Variants in CD109 observed in about 807,000 individuals in gnomAD.
The protein encoded by CD109 is CD109 antigen.
In CD109, 149 loss-of-function variants were observed where a neutral mutation model predicts 165.8. The observed-to-expected ratio is 0.90, with a 90% CI of 0.79 to 1.03. The LOEUF (loss-of-function observed/expected upper bound fraction) is 1.03, where lower values mean the gene tolerates loss of function less well. Ranked by LOEUF, CD109 falls within the 50% of genes least tolerant of loss-of-function variation. The pLI, the probability that CD109 is intolerant of heterozygous loss-of-function variation, is 0.00. For missense variants in CD109, 1,712 were observed against 1,677.8 expected (o/e 1.02, Z -0.36); for synonymous variants, 585 against 592.1 (o/e 0.99, Z 0.18).
chr6:73,810,999 C>A lies in CD109; in HGVS notation c.3554C>A (p.Thr1185Asn). ...LGGFASTQDT[T>N]VALKALSEFA... ...TTTTTCTTCCCTCAACAGGATACCA[C>A]TGTGGCTTTAAAGGCTCTGTCTGAA... The change falls in exon 28 of 33, where the codon ACT (threonine) becomes AAT (asparagine). Residue 1185 changes from threonine (T) to asparagine (N), a missense_variant. By Grantham distance (65) the Thr-to-Asn change is moderately conservative. Transcript: ENST00000287097. 6.2e-7 allele frequency: 1 copy of A among 1,612,828 alleles called. No homozygotes were observed. Among genetic ancestry groups the A allele is most frequent in the Non-Finnish European group, 8.5e-7 (1 of 1,179,236 alleles).
chr6:73,700,790 G>GTTTTTTTTTT (rs58140668), intron 2 of CD109, among the ~76,000 whole-genome samples: 10 of 51,480 alleles, frequency 1.9e-4, no homozygotes, highest in Non-Finnish European at 3.2e-4. Context: ...ATTGATTGTA[G>GTTTTTTTTTT]TTTTTTTTTT....
chr6:73,745,845 C>T (rs1292542986), intron 5 of CD109, among the ~76,000 whole-genome samples: 1 of 152,204 alleles, frequency 6.6e-6, no homozygotes, highest in Non-Finnish European at 1.5e-5. Context: ...TCACCTGCCT[C>T]AGCCTCCCGA....
At chr6:73,683,244 T>G in the CD109 span, among the ~76,000 whole-genome samples, 3 of 152,216 alleles carry the variant, frequency 2.0e-5, no homozygotes, top group African/African-American at 7.2e-5. Context: ...AGTCACCTCT[T>G]GAATGCTTTG....
intron 4 of CD109, among the ~76,000 whole-genome samples, chr6:73,735,758 T>C (rs1010967789): frequency 3.9e-5 from 6 of 152,194 alleles, no homozygotes; most frequent in Non-Finnish European, 8.8e-5. Context: ...GCCAGTCACT[T>C]GAATGCGTAC....
intron 15 of CD109, among the ~76,000 whole-genome samples, chr6:73,776,702 C>T (rs1031879344): frequency 2.1e-4 from 32 of 151,830 alleles, no homozygotes; most frequent in Admixed American, 3.3e-4. Context: ...GGATTACAGG[C>T]GTGAGCCACC....
intron 23 of CD109, among the ~76,000 whole-genome samples, chr6:73,799,848 T>C (rs1435370797): frequency 1.4e-5 from 2 of 146,576 alleles, no homozygotes; most frequent in South Asian, 2.1e-4. Context: ...TTTTCTCATT[T>C]CCCCCCGCAA....
intron 4 of CD109, among the ~76,000 whole-genome samples, chr6:73,731,096 G>C (rs1325039040): frequency 1.3e-5 from 2 of 151,708 alleles, no homozygotes; most frequent in African/African-American, 4.8e-5. Context: ...GCCCAGGCTG[G>C]AGTGCAATGG....
At chr6:73,741,789 G>T (rs1419466450) in intron 5 of CD109, among the ~76,000 whole-genome samples, 1 of 152,104 alleles carries the variant, frequency 6.6e-6, no homozygotes, top group Admixed American at 6.5e-5. Flanking sequence ...TCCTGCCTCA[G>T]CCTCCTGAGT....
intron 2 of CD109, 24 bp downstream of exon 2, chr6:73,697,596 T>C (rs770785421): frequency 1.2e-6 from 2 of 1,600,804 alleles, no homozygotes; most frequent in South Asian, 1.1e-5. Context: ...CATAAAGTCT[T>C]ACCCTTCTGC....
At chr6:73,712,219 A>T (rs373940360) in intron 2 of CD109, among the ~76,000 whole-genome samples, 22 of 129,490 alleles carry the variant, frequency 1.7e-4, no homozygotes, top group South Asian at 2.4e-4. Flanking sequence ...AAAAAAAAAA[A>T]AATTGTATTT....
chr6:73,683,415 G>C, the CD109 span, among the ~76,000 whole-genome samples: 9 of 152,236 alleles, frequency 5.9e-5, no homozygotes, highest in African/African-American at 2.2e-4. Context: ...ATCTCAGTCT[G>C]AGACCACCTC....
intron 15 of CD109, among the ~76,000 whole-genome samples, chr6:73,775,909 A>G (rs139086443): frequency 0.028 from 4,270 of 152,284 alleles, 203 homozygotes; most frequent in African/African-American, 0.095. Flanking sequence ...TTCTTTATCC[A>G]GTCTATCATT....
At position 73,766,078 on chromosome 6, in the gene CD109, A is replaced by G. The variant is rs763542055; in HGVS notation, c.1256A>G (p.Asn419Ser). Residue 419 changes from asparagine to serine, a missense_variant, in exon 11 of 33, where the codon AAT (asparagine) becomes AGT (serine). Physicochemically the swap from Asn to Ser is conservative, Grantham distance 46. Transcript: ENST00000287097. Reference protein sequence around the residue: ...NQKMEAVQKINYTVPQSGTFK... With the variant: ...NQKMEAVQKISYTVPQSGTFK... ...AAAATGGAAGCTGTTCAGAAAATAA[A>G]TTATACTGTCCCCCAAAGTGGAACT... The G allele has an allele frequency of 6.2e-7, 1 of 1,614,116 alleles. No homozygotes were observed.
At chr6:73,814,920 G>A in intron 29 of CD109, 61 bp from the exon 30 acceptor site, 1 of 1,281,814 alleles carries the variant, frequency 7.8e-7, no homozygotes, top group Admixed American at 3.1e-5. Flanking sequence ...ACAGTATTTA[G>A]AAGGCAAAAT....
the CD109 span, among the ~76,000 whole-genome samples, chr6:73,686,784 C>T: frequency 4.6e-5 from 7 of 152,106 alleles, no homozygotes; most frequent in Admixed American, 6.6e-5. Flanking sequence ...CTCCGCCTCC[C>T]GGGTTCAAGT....
chr6:73,773,495 A>G (rs1011154285), intron 15 of CD109, among the ~76,000 whole-genome samples: 4 of 151,936 alleles, frequency 2.6e-5, no homozygotes, highest in Non-Finnish European at 4.4e-5. Flanking sequence ...CTGCTTTTCT[A>G]TATTTTAAAA....
intron 2 of CD109, among the ~76,000 whole-genome samples, chr6:73,698,624 A>C (rs1480338277): frequency 6.6e-6 from 1 of 152,270 alleles, no homozygotes; most frequent in East Asian, 1.9e-4. Flanking sequence ...AAATGAAATA[A>C]AAGTAAAAGT....
intron 23 of CD109, among the ~76,000 whole-genome samples, chr6:73,802,636 A>G (rs763571917): frequency 5.9e-5 from 9 of 151,710 alleles, no homozygotes; most frequent in Non-Finnish European, 1.3e-4. Context: ...TTGAATGGCT[A>G]GAAGCATCAT....
intron 23 of CD109, among the ~76,000 whole-genome samples, chr6:73,798,860 G>C (rs965566336): frequency 1.3e-5 from 2 of 152,116 alleles, no homozygotes; most frequent in Admixed American, 6.5e-5. Flanking sequence ...TGTGATCTGG[G>C]GGTGTGGAGG....
Sources: allele counts gnomAD v4.1 joint callset (sites outside exome capture counted in the v4.1 genomes callset), GRCh38; gene constraint gnomAD v4.1.1; transcripts MANE v1.5; gene names NCBI Gene and HGNC (gene_info 2026-07-23, HGNC 2026-07-21).